CASZ1: variants seen among roughly 807,000 people sequenced by gnomAD.
The protein encoded by CASZ1 is zinc finger protein castor homolog 1.
Under a neutral mutation model 135.2 loss-of-function variants are expected in CASZ1, and 28 were observed. The observed-to-expected ratio is 0.21, with a 90% CI of 0.15 to 0.28. CASZ1 has a LOEUF of 0.28. CASZ1 is among the 10% of genes least tolerant of loss of function. The pLI, the probability that CASZ1 is intolerant of heterozygous loss-of-function variation, is 1.00. For synonymous variants in CASZ1, 1,068 were observed against 1,073.4 expected (o/e 0.99, Z 0.10); for missense variants, 2,161 against 2,453.3 (o/e 0.88, Z 2.52).
intron 2 of CASZ1, among the ~76,000 whole-genome samples, chr1:10,748,109 C>A (rs931271638): frequency 1.3e-5 from 2 of 152,166 alleles, no homozygotes; most frequent in Admixed American, 6.5e-5. Context: ...TGAGCCACTG[C>A]GCCCGGCCAT....
Position 10,639,344 on chromosome 1 carries a change from C to G in CASZ1, c.4878G>C (p.Pro1626=), listed in dbSNP as rs189959454. 3.2e-5 allele frequency: 48 copies of G among 1,505,710 alleles called. No individual in the cohort carries two copies. The African/African-American group carries it at 5.8e-4, about 18-fold the overall frequency. 93.3% of individuals were successfully genotyped at this position (1,505,710 alleles called of 1,614,324 possible). The change falls in exon 21 of 21, where the codon CCG becomes CCC. Residue 1626 remains proline (P), a synonymous_variant. Transcript: ENST00000377022. This position sits in a 1 kb window ranked among gnomAD's most constrained non-coding sequence, Gnocchi z 4.0. ...CCGACTGCAGGAAGAGCAGCGAGCC[C>G]GGCTCGGCGCCCAGCGACAGGGAGC... The part of the protein sequence containing the change: ...LDGSLSLGAE[P]GSLLFLQSAA...
chr1:10,697,897 C>T lies in CASZ1; in HGVS notation c.-23-3985G>A, dbSNP rs527678995. ...GAGTCCGTGTGTTTGCGTGTGAGCCCGCTCCGGGGCCGATGGAGGGAGGGT... is the reference window on the plus strand; with the variant it reads ...GAGTCCGTGTGTTTGCGTGTGAGCCTGCTCCGGGGCCGATGGAGGGAGGGT... On this transcript the variant is annotated intron_variant, in intron 3 of 20. Transcript: ENST00000377022. This position sits in a 1 kb window ranked among gnomAD's most constrained non-coding sequence, Gnocchi z 4.7. 4.6e-5 allele frequency among the ~76,000 whole-genome samples: 7 copies of T among 152,330 alleles called. No individual in the cohort carries two copies. In the South Asian group the frequency reaches 1.0e-3, roughly 23 times the overall value.
intron 1 of CASZ1, among the ~76,000 whole-genome samples, chr1:10,786,086 A>G (rs907978928): frequency 2.0e-5 from 3 of 152,204 alleles, no homozygotes; most frequent in African/African-American, 7.2e-5. Context: ...TCTCGTGGGC[A>G]CGACTCTGGG....
chr1:10,669,610 A>G (rs1643343368), intron 4 of CASZ1, among the ~76,000 whole-genome samples: 1 of 152,250 alleles, frequency 6.6e-6, no homozygotes, highest in African/African-American at 2.4e-5. Flanking sequence ...CCGCATCCCC[A>G]GTCCCCTGAT....
At chr1:10,789,868 G>A (rs1421693755) in intron 1 of CASZ1, among the ~76,000 whole-genome samples, 2 of 152,204 alleles carry the variant, frequency 1.3e-5, no homozygotes, top group Non-Finnish European at 1.5e-5. Flanking sequence ...TCGTTAACGT[G>A]CAGCTCTTAA....
At position 10,660,296 on chromosome 1, in the gene CASZ1, C is replaced by A; in HGVS notation, c.746G>T (p.Gly249Val). 1 of 1,614,108 alleles carries A rather than the reference C, an allele frequency of 6.2e-7. No homozygotes were observed. Among genetic ancestry groups the A allele is most frequent in the Non-Finnish European group, 8.5e-7 (1 of 1,179,996 alleles). The stretch of plus-strand genomic sequence containing the variant: ...GGGGGCCGGCCAGGAGAGCTGCTCG[C>A]CAGCCTTGAGCTTGCGGATGTACTC... ...YEEYIRKLKA[G>V]EQLSWPAPST... Residue 249 changes from glycine to valine, a missense_variant, in exon 6 of 21, where the codon GGC (glycine) becomes GTC (valine). By Grantham distance (109) the Gly-to-Val change is moderately radical (BLOSUM62 -3). Coordinates refer to ENST00000377022, the MANE Select transcript of CASZ1 (RefSeq NM_001079843.3).
intron 5 of CASZ1, among the ~76,000 whole-genome samples, chr1:10,662,278 C>T (rs959537215): frequency 1.0e-5 from 1 of 95,580 alleles, no homozygotes; most frequent in South Asian, 3.8e-4. Context: ...GTCACATGCT[C>T]ACAATCACAT....
chr1:10,641,388 G>A (rs964479723), intron 20 of CASZ1, among the ~76,000 whole-genome samples: 1 of 152,348 alleles, frequency 6.6e-6, no homozygotes, highest in African/African-American at 2.4e-5. Context: ...CAGCACGTGA[G>A]GCAAGAATTA....
At position 10,795,253 on chromosome 1, in the gene CASZ1, C is replaced by A. The variant is rs59253427; in HGVS notation, c.-234+1311G>T. Among the ~76,000 whole-genome samples, 30 of 152,100 alleles carry A rather than the reference C, an allele frequency of 2.0e-4. 1 individual carries two copies. Among genetic ancestry groups the A allele is most frequent in the Non-Finnish European group, 1.5e-5 (1 of 68,020 alleles). On this transcript the variant is annotated intron_variant, in intron 1 of 20. Transcript: ENST00000377022. ...CGCTCCCCGACGCTCCTCCGTCAGT[C>A]ACCACGCTCTCCTTTGCCGTTAAGC... is the stretch of plus-strand genomic sequence containing the variant.
rs1327757275 is a variant in CASZ1, at chr1:10,747,704, T to C, written c.-77+12997A>G. ...ACTGAAGACCCCCACTCTGCTCTCT[T>C]GTGGGTCACTGCAGCTGCCTGGAAT... On this transcript the variant is annotated intron_variant, in intron 2 of 20. Coordinates refer to ENST00000377022, the MANE Select transcript of CASZ1 (RefSeq NM_001079843.3). This position sits in a 1 kb window ranked among gnomAD's most constrained non-coding sequence, Gnocchi z 4.3. Among the ~76,000 whole-genome samples, 1 of 152,114 alleles carries C rather than the reference T, an allele frequency of 6.6e-6. No homozygotes were observed. Among genetic ancestry groups the C allele is most frequent in the African/African-American group, 2.4e-5 (1 of 41,402 alleles).
intron 2 of CASZ1, among the ~76,000 whole-genome samples, chr1:10,743,308 G>A (rs1639963595): frequency 6.6e-6 from 1 of 151,602 alleles, no homozygotes; most frequent in Non-Finnish European, 1.5e-5. Flanking sequence ...TGATATTTGG[G>A]GAGACTCTAG....
rs116124283 is a variant in CASZ1 at position 10,689,768 on chromosome 1, C to G, written c.16+4106G>C. Among the ~76,000 whole-genome samples the G allele has an allele frequency of 7.3e-3, 1,111 of 152,360 alleles. 19 individuals are homozygous for G. Among genetic ancestry groups the G allele is most frequent in the African/African-American group, 0.025 (1,060 of 41,586 alleles). ...TGTGCTCCTCACCTCGTCCACTCAC[C>G]CCCTACTCCCACCCGCCAGGACTGC... On this transcript the variant is annotated intron_variant, in intron 4 of 20. Coordinates refer to ENST00000377022, the MANE Select transcript of CASZ1 (RefSeq NM_001079843.3).
intron 1 of CASZ1, among the ~76,000 whole-genome samples, chr1:10,778,771 G>A (rs1640707677): frequency 6.6e-6 from 1 of 152,138 alleles, no homozygotes; most frequent in Non-Finnish European, 1.5e-5. Flanking sequence ...TGGGACTCTG[G>A]GAGGGAAGAA....
intron 11 of CASZ1, 61 bp downstream of exon 11, chr1:10,653,316 G>T: frequency 6.5e-7 from 1 of 1,550,376 alleles, no homozygotes; most frequent in Non-Finnish European, 8.9e-7. Flanking sequence ...GCAGCCTGAG[G>T]CCAGGTGGCC....
rs1404976267 is a variant in CASZ1 at position 10,762,608 on chromosome 1, C to T, written c.-233-1751G>A. Among the ~76,000 whole-genome samples, 1 of 152,124 alleles carries T rather than the reference C, an allele frequency of 6.6e-6. No homozygotes were observed. Among genetic ancestry groups the T allele is most frequent in the African/African-American group, 2.4e-5 (1 of 41,408 alleles). ...CCTTGGACCACCTACACTCCTACTCCAAGAATCTCCATCTGCTGGGGGTCT... is the reference window on the plus strand; with the variant it reads ...CCTTGGACCACCTACACTCCTACTCTAAGAATCTCCATCTGCTGGGGGTCT... On this transcript the variant is annotated intron_variant, in intron 1 of 20. Transcript: ENST00000377022. The surrounding 1 kb of genome is among the most constrained non-coding windows in gnomAD (Gnocchi z 4.1).
intron 1 of CASZ1, among the ~76,000 whole-genome samples, chr1:10,780,810 T>C (rs1207110775): frequency 6.6e-6 from 1 of 152,152 alleles, no homozygotes; most frequent in Non-Finnish European, 1.5e-5. Flanking sequence ...CTCAGGTAAG[T>C]GACTGAACCT....
chr1:10,667,901 C>T (rs894039780), intron 4 of CASZ1, among the ~76,000 whole-genome samples: 4 of 151,566 alleles, frequency 2.6e-5, no homozygotes, highest in Non-Finnish European at 4.4e-5. Context: ...AGTCCCTGCC[C>T]GGGCCCCCAC....
Position 10,745,297 on chromosome 1 carries a change from G to A in CASZ1, c.-77+15404C>T, listed in dbSNP as rs945091890. On this transcript the variant is annotated intron_variant, in intron 2 of 20. Coordinates refer to ENST00000377022, the MANE Select transcript of CASZ1 (RefSeq NM_001079843.3). ...AGACTCAGGGAACCCCAGGCAGCCT[G>A]CATCATGCCTATAAGACAGAGGTCA... Among the ~76,000 whole-genome samples the A allele has an allele frequency of 3.9e-5, 6 of 152,170 alleles. No homozygotes were observed. In the South Asian group the frequency reaches 1.0e-3, roughly 26 times the overall value.
Position 10,747,962 on chromosome 1 carries a change from A to G in CASZ1, c.-77+12739T>C, listed in dbSNP as rs932780589. Among the ~76,000 whole-genome samples the G allele has an allele frequency of 2.0e-5, 3 of 151,900 alleles. No homozygotes were observed. Among genetic ancestry groups the G allele is most frequent in the Non-Finnish European group, 4.4e-5 (3 of 67,980 alleles). On this transcript the variant is annotated intron_variant, in intron 2 of 20. Transcript: ENST00000377022. This position sits in a 1 kb window ranked among gnomAD's most constrained non-coding sequence, Gnocchi z 4.3. ...CTCCTAAGTAGCTGGGACTAGAGGC[A>G]CCCGCCACCACGCCCGGCTAAGTTT... is the stretch of plus-strand genomic sequence containing the variant.
Sources: allele counts gnomAD v4.1 joint callset (sites outside exome capture counted in the v4.1 genomes callset), GRCh38; gene constraint gnomAD v4.1.1; non-coding constraint Gnocchi (gnomAD v3.1); transcripts MANE v1.5; gene names NCBI Gene and HGNC (gene_info 2026-07-23, HGNC 2026-07-21).